Variants in USP33 observed in about 807,000 individuals in gnomAD.
USP33 encodes ubiquitin carboxyl-terminal hydrolase 33.
A neutral mutation model predicts 124.2 loss-of-function variants in USP33; 46 were observed. The ratio of observed to expected loss-of-function variants is 0.37; its 90% CI spans 0.29 to 0.47. The LOEUF (loss-of-function observed/expected upper bound fraction) is 0.47, where lower values mean the gene tolerates loss of function less well. Among genes scored for constraint, USP33 ranks in the 20% least tolerant of loss-of-function variants. The pLI is 0.99. For missense variants in USP33, 851 were observed against 1,070.6 expected (o/e 0.79, Z 2.86); for synonymous variants, 350 against 352.3 (o/e 0.99, Z 0.07).
At chr1:77,734,525 A>G in intron 6 of USP33, 109 bp from the exon 7 acceptor site, 1 of 665,048 alleles carries the variant, frequency 1.5e-6, no homozygotes, top group South Asian at 2.0e-5. Flanking sequence ...CGGAAATACA[A>G]TATAGCAACT....
chr1:77,720,537 G>C (rs1300966100), intron 15 of USP33: 9 of 985,264 alleles, frequency 9.1e-6, no homozygotes, highest in Non-Finnish European at 8.4e-6. Context: ...TTACTGCCAA[G>C]AACTAGAAGT....
chr1:77,709,423 G>A (rs1473698671), intron 21 of USP33, among the ~76,000 whole-genome samples: 1 of 152,028 alleles, frequency 6.6e-6, no homozygotes, highest in Non-Finnish European at 1.5e-5. Context: ...GCTGAGGCAG[G>A]AGGATCCCTT....
In USP33 at chr1:77,701,313, G is replaced by C. The variant is rs1036517035; in HGVS notation, c.2509+56C>G. On this transcript the variant is annotated intron_variant, in intron 22 of 23. Coordinates refer to ENST00000370794, the MANE Select transcript of USP33 (RefSeq NM_201624.3). ...GCACACAGATATTCAAGAAATACTTGTCAAACAAAAAAACAAATAATTTAC... is the reference window on the plus strand; with the variant it reads ...GCACACAGATATTCAAGAAATACTTCTCAAACAAAAAAACAAATAATTTAC... 2.1e-5 allele frequency: 27 copies of C among 1,284,204 alleles called. No individual in the cohort carries two copies. The African/African-American group carries it at 3.3e-4, about 16-fold the overall frequency. 79.6% of individuals were successfully genotyped at this position (1,284,204 alleles called of 1,614,324 possible). A position where few individuals can be genotyped will look rare whatever the true frequency, so the allele number is the denominator to read the frequency against.
intron 19 of USP33, 56 bp from the exon 20 acceptor site, chr1:77,713,337 C>T (rs1393556678): frequency 6.3e-6 from 9 of 1,419,130 alleles, no homozygotes; most frequent in Non-Finnish European, 8.6e-6. Context: ...TCCTTTCAAA[C>T]ATTAAACTCA....
chr1:77,743,331 C>A (rs2101565874), intron 1 of USP33, among the ~76,000 whole-genome samples: 1 of 152,082 alleles, frequency 6.6e-6, no homozygotes, highest in Non-Finnish European at 1.5e-5. Flanking sequence ...ACTTTAAGTT[C>A]TAGGGTACAT....
intron 3 of USP33, 47 bp downstream of exon 3, chr1:77,741,329 A>T (rs1253349605): frequency 6.5e-7 from 1 of 1,538,668 alleles, no homozygotes. Flanking sequence ...TCAGATCCAA[A>T]TTTATTATTA....
intron 1 of USP33, among the ~76,000 whole-genome samples, chr1:77,758,706 C>T (rs888951599): frequency 6.6e-6 from 1 of 152,028 alleles, no homozygotes; most frequent in Non-Finnish European, 1.5e-5. Context: ...GTAGGAAAAA[C>T]GGAACTAGGA....
chr1:77,753,502 T>G (rs761995601), intron 1 of USP33, among the ~76,000 whole-genome samples: 57 of 152,298 alleles, frequency 3.7e-4, no homozygotes, highest in Non-Finnish European at 7.2e-4. Context: ...AATCTTAATG[T>G]TCGCATAAAA....
At position 77,729,720 on chromosome 1, in the gene USP33, A is replaced by G; in HGVS notation, c.717+140T>C. The G allele has an allele frequency of 5.4e-6, 4 of 735,530 alleles. No individual in the cohort carries two copies. In the South Asian group the frequency reaches 7.6e-5, roughly 14 times the overall value. The allele number at this position is 735,530 out of a possible 1,614,324, so 45.6% of individuals were successfully genotyped here. Reference sequence around the variant, plus strand: ...AGTTGAAAAAATATAAACAATAAACATGAAAAAGGGTTACTATTCTTGGCA... The same window carrying G: ...AGTTGAAAAAATATAAACAATAAACGTGAAAAAGGGTTACTATTCTTGGCA... On this transcript the variant is annotated intron_variant, in intron 9 of 23. Transcript: ENST00000370794.
At position 77,739,441 on chromosome 1, in the gene USP33, A is replaced by G. The variant is rs112160103; in HGVS notation, c.199-24T>C. ...TCCTATATAATTTCACAGTAGAGGGAAAAGAGGAACCAAAATTACATATAC... is the reference window on the plus strand; with the variant it reads ...TCCTATATAATTTCACAGTAGAGGGGAAAGAGGAACCAAAATTACATATAC... On this transcript the variant is annotated intron_variant, in intron 4 of 23. Transcript: ENST00000370794. The G allele has an allele frequency of 1.5e-5, 23 of 1,549,032 alleles. No individual in the cohort carries two copies. In the African/African-American group the frequency reaches 1.7e-4, roughly 11 times the overall value.
intron 15 of USP33, among the ~76,000 whole-genome samples, chr1:77,719,689 C>A (rs1676333908): frequency 6.6e-6 from 1 of 151,692 alleles, no homozygotes; most frequent in South Asian, 2.1e-4. Flanking sequence ...CCCATCTCAA[C>A]TAAAAATACA....
chr1:77,724,780 G>T (rs912434177), intron 11 of USP33, among the ~76,000 whole-genome samples: 1 of 152,016 alleles, frequency 6.6e-6, no homozygotes, highest in Admixed American at 6.6e-5. Context: ...ATATTAGGCC[G>T]GGCATGGTGG....
intron 22 of USP33, among the ~76,000 whole-genome samples, chr1:77,698,894 T>G (rs552949339): frequency 7.0e-4 from 106 of 152,252 alleles, no homozygotes; most frequent in Non-Finnish European, 1.4e-3. Context: ...TTGAAAGAAA[T>G]TATACAATTA....
intron 3 of USP33, 84 bp downstream of exon 3, chr1:77,741,292 T>C (rs1679089679): frequency 2.3e-6 from 3 of 1,325,334 alleles, no homozygotes; most frequent in African/African-American, 3.0e-5. Context: ...TCACTTTAAG[T>C]ATCAAAAATT....
chr1:77,752,896 G>A (rs1317161822), intron 1 of USP33, among the ~76,000 whole-genome samples: 1 of 151,682 alleles, frequency 6.6e-6, no homozygotes, highest in African/African-American at 2.4e-5. Context: ...TAGCCAACAT[G>A]GTGAAACCCT....
chr1:77,755,692 T>C (rs1275437401), intron 1 of USP33, among the ~76,000 whole-genome samples: 3 of 152,184 alleles, frequency 2.0e-5, no homozygotes, highest in African/African-American at 4.8e-5. Context: ...TGAGACCCTT[T>C]CACAAAAAAG....
At chr1:77,742,245 T>C (rs1403080331) in intron 1 of USP33, among the ~76,000 whole-genome samples, 1 of 152,148 alleles carries the variant, frequency 6.6e-6, no homozygotes, top group Non-Finnish European at 1.5e-5. Flanking sequence ...ATCCTGGCCT[T>C]ATACCAGGAT....
chr1:77,720,186 AAAAAAAAAC>A, intron 15 of USP33: 1 of 477,128 alleles, frequency 2.1e-6, no homozygotes, highest in Non-Finnish European at 2.7e-6. Context: ...AAAAAAAAAA[AAAAAAAAAC>A]CTTTATTCTT....
At chr1:77,729,768 G>T in intron 9 of USP33, 92 bp downstream of exon 9, 1 of 1,138,420 alleles carries the variant, frequency 8.8e-7, no homozygotes, top group South Asian at 1.3e-5. Context: ...AAGGAGTGAT[G>T]ACCCCAAAAG....
Sources: allele counts gnomAD v4.1 joint callset (sites outside exome capture counted in the v4.1 genomes callset), GRCh38; gene constraint gnomAD v4.1.1; transcripts MANE v1.5; gene names NCBI Gene and HGNC (gene_info 2026-07-23, HGNC 2026-07-21).